CNGA1: variants seen among roughly 807,000 people sequenced by gnomAD.
The protein encoded by CNGA1 is cyclic nucleotide-gated channel alpha-1.
In CNGA1, 53 loss-of-function variants were observed where a neutral mutation model predicts 69.7. The ratio of observed to expected loss-of-function variants is 0.76; its 90% confidence interval spans 0.61 to 0.96. The LOEUF is 0.96. Among genes scored for constraint, CNGA1 ranks in the 40% least tolerant of loss-of-function variants. CNGA1 has a pLI of 0.00. For synonymous variants in CNGA1, 249 were observed against 283.5 expected, an observed-to-expected ratio of 0.88 and a Z score of 1.22; for missense variants, 739 against 811.2, an observed-to-expected ratio of 0.91 and a Z score of 1.08.
rs761762421 is a variant in CNGA1, at chr4:47,942,123, C to A, written c.463G>T (p.Asp155Tyr). ...TTGTAATATGTGTTTCCCGAGGGAT[C>A]AATAACCACAACTTCTTTCTTCTCC... ...EEEKKEVVVIDPSGNTYYNWL... is the reference protein window; with the variant it reads ...EEEKKEVVVIYPSGNTYYNWL... Residue 155 changes from aspartate (D) to tyrosine (Y), a missense_variant, in exon 9 of 11, where the codon GAT becomes TAT. Transcript: ENST00000514170. The A allele has an allele frequency of 6.2e-7, 1 of 1,612,940 alleles. No homozygotes were observed. The highest frequency in any genetic ancestry group is 1.1e-5 in the South Asian group (1 of 91,034).
chr4:48,004,912 C>G (rs2109350092), intron 2 of CNGA1, among the ~76,000 whole-genome samples: 1 of 152,090 alleles, frequency 6.6e-6, no homozygotes, highest in African/African-American at 2.4e-5. Context: ...AAACTGAAAG[C>G]AATATTTTGA....
At position 47,970,715 on chromosome 4, in the gene CNGA1, CCA is replaced by C. The variant is rs556022093; in HGVS notation, c.-15+10676_-15+10677del. The stretch of plus-strand genomic sequence containing the variant: ...TACTGAATTATTGCCCTTTCTTCTG[CCA>C]CAGTCTCAATCTCCCTTCCTCCCTC... On this transcript the variant is annotated intron_variant, in intron 3 of 10. Coordinates refer to ENST00000514170, the MANE Select transcript of CNGA1 (RefSeq NM_001379270.1). 1.5e-4 allele frequency among the ~76,000 whole-genome samples: 22 copies of C among 151,408 alleles called. No individual in the cohort carries two copies. In the South Asian group the frequency reaches 2.7e-3, roughly 19 times the overall value.
At chr4:48,013,671 T>C (rs973868469) in intron 1 of CNGA1, among the ~76,000 whole-genome samples, 1 of 152,238 alleles carries the variant, frequency 6.6e-6, no homozygotes, top group African/African-American at 2.4e-5. Context: ...AGTTCCAAGC[T>C]TCACTTTTCC....
chr4:47,940,835 C>T lies in CNGA1; in HGVS notation c.580G>A (p.Glu194Lys). The T allele has an allele frequency of 3.7e-6, 6 of 1,611,968 alleles. No homozygotes were observed. The highest frequency in any genetic ancestry group is 5.1e-6 in the Non-Finnish European group (6 of 1,178,460). ...ACGTAATCCAAAATGAGCCAATATT[C>T]TAGGTAATCAGATTGAAGTTCATCA... ...CFDELQSDYL[E>K]YWLILDYVSD... is the part of the protein sequence containing the mutation. The change falls in exon 10 of 11, where the codon GAA becomes AAA. Residue 194 changes from glutamate to lysine, a missense_variant. Physicochemically the swap from Glu to Lys is moderately conservative, Grantham distance 56. Coordinates refer to ENST00000514170, the MANE Select transcript of CNGA1 (RefSeq NM_001379270.1).
chr4:47,937,468 A>G lies in CNGA1; in HGVS notation c.1014T>C (p.Phe338=), dbSNP rs1738742265. Residue 338 remains phenylalanine (F), a synonymous_variant, in exon 11 of 11, where the codon TTT becomes TTC. Coordinates refer to ENST00000514170, the MANE Select transcript of CNGA1 (RefSeq NM_001379270.1). The stretch of plus-strand genomic sequence containing the variant: ...ATACGTATTTTCTAGCCAAACGGCC[A>G]AATTCAGGATCATTAATATCAGGGT... ...WVYPDINDPE[F]GRLARKYVYS... The G allele has an allele frequency of 6.2e-7, 1 of 1,614,232 alleles. No homozygotes were observed. The highest frequency in any genetic ancestry group is 2.2e-5 in the East Asian group (1 of 44,882).
chr4:47,961,163 C>T (rs114513193), intron 3 of CNGA1, among the ~76,000 whole-genome samples: 256 of 152,252 alleles, frequency 1.7e-3, no homozygotes, highest in African/African-American at 5.2e-3. Flanking sequence ...TGTAAATTGC[C>T]CAGTTTCAGG....
chr4:47,959,603 C>A (rs555346502), intron 3 of CNGA1, among the ~76,000 whole-genome samples: 1 of 152,016 alleles, frequency 6.6e-6, no homozygotes, highest in African/African-American at 2.4e-5. Context: ...AAAAGACACT[C>A]AATCTAAAAG....
At chr4:47,982,786 T>C (rs529166200) in intron 2 of CNGA1, among the ~76,000 whole-genome samples, 2 of 152,278 alleles carry the variant, frequency 1.3e-5, no homozygotes, top group South Asian at 4.1e-4. Flanking sequence ...TTTTTTCCTC[T>C]GGTCTAAAAC....
At chr4:47,961,262 A>G (rs1344615303) in intron 3 of CNGA1, among the ~76,000 whole-genome samples, 1 of 152,174 alleles carries the variant, frequency 6.6e-6, no homozygotes, top group Non-Finnish European at 1.5e-5. Context: ...TGAAACATTA[A>G]AGATACAGCC....
chr4:47,945,563 GTAA>G (rs1411778138), intron 6 of CNGA1, among the ~76,000 whole-genome samples: 1 of 152,164 alleles, frequency 6.6e-6, no homozygotes, highest in Non-Finnish European at 1.5e-5. Context: ...TGATGGACTG[GTAA>G]TAATAGATTC....
intron 2 of CNGA1, among the ~76,000 whole-genome samples, chr4:47,996,441 C>G (rs1366040345): frequency 6.6e-6 from 1 of 152,104 alleles, no homozygotes; most frequent in Admixed American, 6.6e-5. Context: ...TATTTAACTG[C>G]CCTGAACCTT....
At chr4:47,955,426 G>A (rs938105100) in intron 3 of CNGA1, among the ~76,000 whole-genome samples, 3 of 151,862 alleles carry the variant, frequency 2.0e-5, no homozygotes, top group African/African-American at 7.3e-5. Context: ...CAGGTGATCC[G>A]CCCCCTTCAG....
Position 48,016,594 on chromosome 4 carries a change from A to AT in CNGA1, c.-335dup, listed in dbSNP as rs1715394775. ...AAGGGGCAGCTGCTACTCCTGCCAG[A>AT]TACACCAGTTATCACAGGCCGCTCC... On this transcript the variant is annotated 5_prime_UTR_variant, in exon 1 of 11. Transcript: ENST00000514170. 1 of 526,648 alleles carries AT rather than the reference A, an allele frequency of 1.9e-6. No homozygotes were observed. The highest frequency in any genetic ancestry group is 3.3e-6 in the Non-Finnish European group (1 of 302,002). The allele number at this position is 526,648 out of a possible 1,614,324, so 32.6% of individuals were successfully genotyped here. A position where few individuals can be genotyped will look rare whatever the true frequency, so the allele number is the denominator to read the frequency against.
intron 3 of CNGA1, among the ~76,000 whole-genome samples, chr4:47,960,406 C>T (rs1316451594): frequency 6.6e-6 from 1 of 152,084 alleles, no homozygotes; most frequent in Non-Finnish European, 1.5e-5. Flanking sequence ...GGATCACTGA[C>T]CTAAACATAG....
At chr4:47,973,286 A>G (rs1741146383) in intron 3 of CNGA1, among the ~76,000 whole-genome samples, 1 of 152,038 alleles carries the variant, frequency 6.6e-6, no homozygotes, top group African/African-American at 2.4e-5. Flanking sequence ...CATTTTGGCC[A>G]GGCTGGTTTG....
At chr4:47,940,392 G>A (rs1739002451) in intron 10 of CNGA1, among the ~76,000 whole-genome samples, 1 of 152,114 alleles carries the variant, frequency 6.6e-6, no homozygotes, top group African/African-American at 2.4e-5. Flanking sequence ...TTTGAATATG[G>A]CTCTGCTGAG....
chr4:47,974,481 T>G (rs1741241240), intron 3 of CNGA1, among the ~76,000 whole-genome samples: 1 of 151,836 alleles, frequency 6.6e-6, no homozygotes, highest in South Asian at 2.1e-4. Context: ...ATGTTTCAGT[T>G]AGGAGGAATA....
At chr4:47,990,225 A>C (rs1299526773) in intron 2 of CNGA1, among the ~76,000 whole-genome samples, 1 of 152,148 alleles carries the variant, frequency 6.6e-6, no homozygotes, top group African/African-American at 2.4e-5. Flanking sequence ...GGCAGAATAC[A>C]GCCATATTTT....
In CNGA1 at chr4:47,940,867, G is replaced by A; in HGVS notation, c.548C>T (p.Ala183Val). 6.3e-7 allele frequency: 1 copy of A among 1,596,454 alleles called. No homozygotes were observed. The highest frequency in any genetic ancestry group is 1.3e-5 in the African/African-American group (1 of 74,496). The change falls in exon 10 of 11, where the codon GCA becomes GTA. Residue 183 changes from alanine to valine, a missense_variant and splice_region_variant. Coordinates refer to ENST00000514170, the MANE Select transcript of CNGA1 (RefSeq NM_001379270.1). ...ATCAGATTGAAGTTCATCAAAACAT[G>A]CTCTATAAAAAAAGAAACACTTGTA... The part of the protein sequence containing the change: ...MYNWTMVIAR[A>V]CFDELQSDYL...
Sources: gnomAD v4.1 joint callset for allele counts (sites outside exome capture counted in the v4.1 genomes callset) on GRCh38, gnomAD v4.1.1 for gene constraint, MANE v1.5 for transcripts, NCBI Gene and HGNC (gene_info 2026-07-23, HGNC 2026-07-21) for gene names.